The following GNAI1 variants were observed in gnomAD, a reference collection of about 807,000 sequenced individuals.
GNAI1 encodes G protein subunit alpha i1, also known as guanine nucleotide-binding protein G(i) subunit alpha-1.
A neutral mutation model predicts 38.9 loss-of-function variants in GNAI1; 11 were observed. The ratio of observed to expected loss-of-function variants is 0.28; its 90% CI spans 0.18 to 0.47. The LOEUF is 0.47. GNAI1 is among the 20% of genes least tolerant of loss of function. The pLI is 0.99. For synonymous variants in GNAI1, 166 were observed against 145.1 expected (o/e 1.14, Z -1.04); for missense variants, 317 against 436.9 (o/e 0.73, Z 2.45).
chr7:80,176,831 G>A (rs1407466096), intron 1 of GNAI1, among the ~76,000 whole-genome samples: 2 of 150,706 alleles, frequency 1.3e-5, no homozygotes, highest in African/African-American at 4.9e-5. Context: ...CAGCTACTCG[G>A]GAGGCTGAGG....
intron 1 of GNAI1, among the ~76,000 whole-genome samples, chr7:80,175,753 C>G (rs1788173569): frequency 6.6e-6 from 1 of 152,136 alleles, no homozygotes. Flanking sequence ...GCCATAAACT[C>G]TGCCCACATA....
intron 3 of GNAI1, among the ~76,000 whole-genome samples, chr7:80,196,388 CT>C (rs920169129): frequency 2.6e-5 from 4 of 151,994 alleles, no homozygotes; most frequent in African/African-American, 9.7e-5. Context: ...CTCCAGTCTT[CT>C]CTTAAGTAAT....
rs1788995383 is a variant in GNAI1, at chr7:80,217,547, G to A, written c.*54G>A. ...TCAAACCAAATGAGTACTTATATAT[G>A]GATCTCTGTAGACTAGAGTCTTGCA... is the stretch of plus-strand genomic sequence containing the variant. On this transcript the variant is annotated 3_prime_UTR_variant, in exon 8 of 8. Coordinates refer to ENST00000649796, the MANE Select transcript of GNAI1 (RefSeq NM_002069.6). 2 of 1,020,854 alleles carry A rather than the reference G, an allele frequency of 2.0e-6. No individual in the cohort carries two copies. The highest frequency in any genetic ancestry group is 3.3e-5 in the South Asian group (2 of 60,810). 63.2% of individuals were successfully genotyped at this position (1,020,854 alleles called of 1,614,324 possible). A position where few individuals can be genotyped will look rare whatever the true frequency, so the allele number is the denominator to read the frequency against.
At position 80,187,867 on chromosome 7, in the gene GNAI1, A is replaced by G. The variant is rs544496115; in HGVS notation, c.119-1084A>G. Among the ~76,000 whole-genome samples the G allele has an allele frequency of 7.2e-5, 11 of 152,300 alleles. No homozygotes were observed. The South Asian group carries it at 1.7e-3, about 23-fold the overall frequency. ...TGACAAATAATTGATCTAATTTGGT[A>G]TAAAGATAGCAGCTATTGTTAAGTG... On this transcript the variant is annotated intron_variant, in intron 1 of 7. Transcript: ENST00000649796.
intron 1 of GNAI1, among the ~76,000 whole-genome samples, chr7:80,153,222 T>C (rs1184736057): frequency 6.6e-6 from 1 of 152,178 alleles, no homozygotes; most frequent in Non-Finnish European, 1.5e-5. Context: ...ATGTCATAGA[T>C]AGTCTTCAAG....
chr7:80,164,090 G>A (rs1253899491), intron 1 of GNAI1, among the ~76,000 whole-genome samples: 3 of 143,476 alleles, frequency 2.1e-5, no homozygotes, highest in African/African-American at 7.8e-5. Flanking sequence ...CTGTCACCAG[G>A]CTGGAGTGCA....
chr7:80,178,391 C>G (rs531489206), intron 1 of GNAI1, among the ~76,000 whole-genome samples: 36 of 152,226 alleles, frequency 2.4e-4, no homozygotes, highest in Non-Finnish European at 4.3e-4. Flanking sequence ...AAGTGTTACT[C>G]AAAGAGCATC....
intron 1 of GNAI1, among the ~76,000 whole-genome samples, chr7:80,157,728 CAG>C (rs1467321820): frequency 2.0e-5 from 3 of 152,090 alleles, no homozygotes; most frequent in African/African-American, 7.2e-5. Context: ...ATTTTTGAGA[CAG>C]AGTCTCACTC....
At position 80,135,184 on chromosome 7, in the gene GNAI1, G is replaced by A. The variant is rs368816280; in HGVS notation, c.24G>A (p.Glu8=). 17 of 1,547,448 alleles carry A rather than the reference G, an allele frequency of 1.1e-5. No individual in the cohort carries two copies. Among genetic ancestry groups the A allele is most frequent in the Middle Eastern group, 1.7e-4 (1 of 5,766 alleles). MGCTLSA[E]DKAAVERSKM... is the part of the protein sequence containing the mutation. Reference sequence around the variant, plus strand: ...CCATGGGCTGCACGCTGAGCGCCGAGGACAAGGCGGCGGTGGAGCGGAGTA... The same window carrying A: ...CCATGGGCTGCACGCTGAGCGCCGAAGACAAGGCGGCGGTGGAGCGGAGTA... The change falls in exon 1 of 8, where the codon GAG becomes GAA. Residue 8 remains glutamate, a synonymous_variant. Coordinates refer to ENST00000649796, the MANE Select transcript of GNAI1 (RefSeq NM_002069.6).
intron 6 of GNAI1, 76 bp downstream of exon 6, chr7:80,211,174 T>A (rs747477095): frequency 5.0e-5 from 65 of 1,287,654 alleles, no homozygotes; most frequent in Non-Finnish European, 6.9e-5. Flanking sequence ...CTTTCTAATG[T>A]CTATAACAAT....
At chr7:80,188,903 T>G in intron 1 of GNAI1, 48 bp from the exon 2 acceptor site, 1 of 1,196,694 alleles carries the variant, frequency 8.4e-7, no homozygotes, top group Middle Eastern at 2.7e-4. Context: ...TGAATATACT[T>G]AAGTGATTAT....
intron 5 of GNAI1, among the ~76,000 whole-genome samples, chr7:80,205,860 T>A (rs1788765630): frequency 6.6e-6 from 1 of 152,170 alleles, no homozygotes; most frequent in Non-Finnish European, 1.5e-5. Flanking sequence ...TTAAAAATTG[T>A]ATGATTCAAC....
chr7:80,219,027 T>TGTGTGTG lies in GNAI1; in HGVS notation c.*1534_*1535insGTGTGTG, dbSNP rs111698493. 2.1e-5 allele frequency: 3 copies of TGTGTGTG among 145,946 alleles called. No individual in the cohort carries two copies. The highest frequency in any genetic ancestry group is 6.9e-5 in the Admixed American group (1 of 14,500). The allele number at this position is 145,946 out of a possible 1,614,324, so 9.0% of individuals were successfully genotyped here. Reference sequence around the variant, plus strand: ...GTGTTGTCACTGGGTTGAAGTATATTTGTGTGTGTGTGTGTGTGTGTGTGT... The same window carrying TGTGTGTG: ...GTGTTGTCACTGGGTTGAAGTATATTGTGTGTGTGTGTGTGTGTGTGTGTGTGTGTGT... On this transcript the variant is annotated 3_prime_UTR_variant, in exon 8 of 8. Coordinates refer to ENST00000649796, the MANE Select transcript of GNAI1 (RefSeq NM_002069.6).
At chr7:80,146,795 A>C (rs79096605) in intron 1 of GNAI1, among the ~76,000 whole-genome samples, 1,552 of 152,292 alleles carry the variant, frequency 0.01, 32 homozygotes, top group African/African-American at 0.035. Context: ...TGCCACATTC[A>C]TGAAACCTAT....
intron 6 of GNAI1, among the ~76,000 whole-genome samples, chr7:80,211,766 C>G (rs548123402): frequency 7.9e-5 from 12 of 152,168 alleles, no homozygotes; most frequent in African/African-American, 2.6e-4. Flanking sequence ...CTGTAATTTT[C>G]AGATAGGTTT....
chr7:80,159,499 CATA>C (rs1315719383), intron 1 of GNAI1, among the ~76,000 whole-genome samples: 2 of 152,082 alleles, frequency 1.3e-5, no homozygotes. Flanking sequence ...GTGATTGACA[CATA>C]ATAATTGAAT....
At chr7:80,178,514 T>TG (rs1396655004) in intron 1 of GNAI1, among the ~76,000 whole-genome samples, 1 of 152,178 alleles carries the variant, frequency 6.6e-6, no homozygotes, top group Non-Finnish European at 1.5e-5. Flanking sequence ...AACACTACCC[T>TG]GATCAGTTGG....
chr7:80,188,759 T>C (rs906452020), intron 1 of GNAI1, among the ~76,000 whole-genome samples, 192 bp from the exon 2 acceptor site: 6 of 152,152 alleles, frequency 3.9e-5, no homozygotes, highest in Non-Finnish European at 5.9e-5. Flanking sequence ...ATGTTAGATC[T>C]TTATACTTAT....
intron 1 of GNAI1, chr7:80,135,733 T>C (rs1787402052): frequency 1.0e-6 from 1 of 969,498 alleles, no homozygotes. Flanking sequence ...GGTTTTCTCA[T>C]GCCCAGAGTG....
Sources: allele counts gnomAD v4.1 joint callset (sites outside exome capture counted in the v4.1 genomes callset), GRCh38; gene constraint gnomAD v4.1.1; transcripts MANE v1.5; gene names NCBI Gene and HGNC (gene_info 2026-07-23, HGNC 2026-07-21).